Variants in SPECC1 observed in about 807,000 individuals in gnomAD.
The protein encoded by SPECC1 is cytospin-B.
A neutral mutation model predicts 104.1 loss-of-function variants in SPECC1; 62 were observed. The ratio of observed to expected loss-of-function variants is 0.60; its 90% CI spans 0.49 to 0.74. SPECC1 has a LOEUF of 0.74. Among genes scored for constraint, SPECC1 ranks in the 30% least tolerant of loss-of-function variants. SPECC1 has a pLI of 0.00. For synonymous variants in SPECC1, 513 were observed against 501.6 expected (o/e 1.02, Z -0.30); for missense variants, 1,306 against 1,310.5 (o/e 1.00, Z 0.05).
chr17:20,106,652 C>G (rs942040302), intron 2 of SPECC1, among the ~76,000 whole-genome samples: 2 of 152,194 alleles, frequency 1.3e-5, no homozygotes, highest in African/African-American at 4.8e-5. Context: ...CATGCTCTCT[C>G]TTGCCTACCA....
At chr17:20,111,320 G>A (rs1273325968) in intron 3 of SPECC1, among the ~76,000 whole-genome samples, 3 of 152,030 alleles carry the variant, frequency 2.0e-5, no homozygotes, top group African/African-American at 7.2e-5. Flanking sequence ...TGCTCTTTTC[G>A]TAAAAGTCAC....
intron 4 of SPECC1, among the ~76,000 whole-genome samples, chr17:20,211,709 A>G (rs1275424072): frequency 6.6e-6 from 1 of 152,220 alleles, no homozygotes; most frequent in Non-Finnish European, 1.5e-5. Context: ...TGGTGGAGAC[A>G]GTCAGATAGT....
chr17:20,238,881 A>G lies in SPECC1; in HGVS notation c.2351+6476A>G, dbSNP rs973795987. 13 of 1,042,666 alleles carry G rather than the reference A, an allele frequency of 1.2e-5. No individual in the cohort carries two copies. The African/African-American group carries it at 1.7e-4, about 13-fold the overall frequency. The allele number at this position is 1,042,666 out of a possible 1,614,324, so 64.6% of individuals were successfully genotyped here. A position where few individuals can be genotyped will look rare whatever the true frequency, so the allele number is the denominator to read the frequency against. ...TTATGAAGTGCAAAATAAACATGTTATTATATAGAAGCGTCTGCTGCTTAG... is the reference window on the plus strand; with the variant it reads ...TTATGAAGTGCAAAATAAACATGTTGTTATATAGAAGCGTCTGCTGCTTAG... On this transcript the variant is annotated intron_variant, in intron 7 of 14. Coordinates refer to ENST00000395527, the MANE Select transcript of SPECC1 (RefSeq NM_001243439.2).
intron 2 of SPECC1, among the ~76,000 whole-genome samples, chr17:20,105,707 C>G (rs1381743825): frequency 6.6e-6 from 1 of 152,222 alleles, no homozygotes; most frequent in African/African-American, 2.4e-5. Context: ...TGTTACCATG[C>G]CAGGTCCTCT....
chr17:20,234,661 G>T (rs984345117), intron 7 of SPECC1, among the ~76,000 whole-genome samples: 1 of 152,144 alleles, frequency 6.6e-6, no homozygotes, highest in Non-Finnish European at 1.5e-5. Flanking sequence ...ATTCTCTGAC[G>T]AGGTCCTCAA....
intron 13 of SPECC1, among the ~76,000 whole-genome samples, chr17:20,303,555 C>T (rs747481096): frequency 1.3e-5 from 2 of 152,082 alleles, no homozygotes; most frequent in African/African-American, 4.8e-5. Context: ...TCTAGATGTT[C>T]AAGCAAGGGT....
intron 4 of SPECC1, among the ~76,000 whole-genome samples, chr17:20,215,781 G>A (rs979148408): frequency 1.2e-4 from 19 of 152,114 alleles, no homozygotes; most frequent in African/African-American, 4.6e-4. Context: ...GATAATGTTG[G>A]GTAATCTATA....
At chr17:20,017,276 G>C (rs1234902991) in intron 1 of SPECC1, 1 of 152,434 alleles carries the variant, frequency 6.6e-6, no homozygotes, top group African/African-American at 2.4e-5. Context: ...TCGAAGGTCT[G>C]CAGCTTCACT....
chr17:20,204,520 G>T lies in SPECC1; in HGVS notation c.471G>T (p.Glu157Asp). ...CCCCTTCCACAAAGCCCAAGCAAGAGAATGAAGGTGGAGAAAAGGCTGCGC... is the reference window on the plus strand; with the variant it reads ...CCCCTTCCACAAAGCCCAAGCAAGATAATGAAGGTGGAGAAAAGGCTGCGC... ...LRTPSTKPKQ[E>D]NEGGEKAALE... The change falls in exon 4 of 15, where the codon GAG becomes GAT. Residue 157 changes from glutamate to aspartate, a missense_variant. This residue lies in a region of SPECC1 where 1,177 missense variants were observed against 1,139.9 expected (regional missense o/e 1.03). Coordinates refer to ENST00000395527, the MANE Select transcript of SPECC1 (RefSeq NM_001243439.2). The T allele has an allele frequency of 6.2e-7, 1 of 1,614,158 alleles. No individual in the cohort carries two copies. The highest frequency in any genetic ancestry group is 8.5e-7 in the Non-Finnish European group (1 of 1,180,026).
intron 12 of SPECC1, among the ~76,000 whole-genome samples, chr17:20,288,177 T>C (rs569418723): frequency 6.6e-6 from 1 of 152,338 alleles, no homozygotes; most frequent in Non-Finnish European, 1.5e-5. Context: ...CACATTTTCT[T>C]TATTCAGTCT....
At chr17:20,309,088 CAT>C (rs2041855972) in intron 14 of SPECC1, among the ~76,000 whole-genome samples, 1 of 152,182 alleles carries the variant, frequency 6.6e-6, no homozygotes, top group Non-Finnish European at 1.5e-5. Context: ...TGCTGACACA[CAT>C]GATAATTAAT....
intron 3 of SPECC1, among the ~76,000 whole-genome samples, chr17:20,199,994 C>T (rs1410685891): frequency 6.6e-6 from 1 of 151,968 alleles, no homozygotes; most frequent in East Asian, 1.9e-4. Context: ...GGTTTCACCA[C>T]GTTGGCCAGG....
At chr17:20,104,743 A>G (rs1200624225) in intron 2 of SPECC1, among the ~76,000 whole-genome samples, 3 of 83,492 alleles carry the variant, frequency 3.6e-5, no homozygotes, top group African/African-American at 1.2e-4. Flanking sequence ...ACTGTCTCAA[A>G]AAAAAAAAAA....
chr17:20,294,464 G>A (rs569336955), intron 12 of SPECC1, among the ~76,000 whole-genome samples: 2 of 152,258 alleles, frequency 1.3e-5, no homozygotes, highest in South Asian at 4.1e-4. Context: ...TACATTGTGG[G>A]GAGAAGAGTG....
intron 1 of SPECC1, among the ~76,000 whole-genome samples, chr17:20,032,227 C>T (rs2044844972): frequency 6.6e-6 from 1 of 152,044 alleles, no homozygotes; most frequent in South Asian, 2.1e-4. Flanking sequence ...AGCATTTTTA[C>T]CATGGTGTAT....
intron 2 of SPECC1, among the ~76,000 whole-genome samples, chr17:20,098,729 G>A (rs572129271): frequency 7.9e-5 from 12 of 152,306 alleles, no homozygotes; most frequent in African/African-American, 2.6e-4. Flanking sequence ...TATAGGAAGT[G>A]TCCTTGACCT....
intron 11 of SPECC1, among the ~76,000 whole-genome samples, chr17:20,259,602 C>G (rs891281123): frequency 1.3e-5 from 2 of 152,070 alleles, no homozygotes; most frequent in African/African-American, 4.8e-5. Flanking sequence ...AACTCCTGGC[C>G]TCAAGCAGTC....
At chr17:20,290,328 G>GA (rs2054297773) in intron 12 of SPECC1, 1 of 147,962 alleles carries the variant, frequency 6.8e-6, no homozygotes, top group South Asian at 2.1e-4. Context: ...CCTACACAAG[G>GA]AAAACAAAAA....
chr17:20,200,760 C>T (rs1029607639), intron 3 of SPECC1, among the ~76,000 whole-genome samples: 1 of 152,116 alleles, frequency 6.6e-6, no homozygotes, highest in African/African-American at 2.4e-5. Context: ...GGGTGCACAA[C>T]CAAGACCATC....
Sources: gnomAD v4.1 joint callset for allele counts (sites outside exome capture counted in the v4.1 genomes callset) on GRCh38, gnomAD v4.1.1 for gene constraint, gnomAD v4.1.1 regional missense constraint, MANE v1.5 for transcripts, NCBI Gene and HGNC (gene_info 2026-07-23, HGNC 2026-07-21) for gene names.